Variants in THSD7B observed in about 807,000 individuals in gnomAD.
The protein encoded by THSD7B is thrombospondin type-1 domain-containing protein 7B.
A neutral mutation model predicts 213.6 loss-of-function variants in THSD7B; 138 were observed. That is an observed-to-expected ratio of 0.65 (90% CI 0.56 to 0.74). THSD7B has a LOEUF of 0.74. Ranked by LOEUF, THSD7B falls within the 30% of genes least tolerant of loss-of-function variation. The probability of loss-of-function intolerance (pLI) is 0.00; values close to 1 mark genes in which losing one functional copy is unlikely to be tolerated. For synonymous variants in THSD7B, 742 were observed against 687.0 expected, an observed-to-expected ratio of 1.08 and a Z score of -1.25; for missense variants, 1,931 against 1,991.5, an observed-to-expected ratio of 0.97 and a Z score of 0.58.
At chr2:137,023,948 T>C (rs1686495889) in intron 2 of THSD7B, among the ~76,000 whole-genome samples, 1 of 152,076 alleles carries the variant, frequency 6.6e-6, no homozygotes, top group African/African-American at 2.4e-5. Flanking sequence ...CTTCTTTTAC[T>C]ATCTGAAATA....
At chr2:136,851,949 A>ATATATT (rs1312163166) in intron 1 of THSD7B, among the ~76,000 whole-genome samples, 2 of 151,624 alleles carry the variant, frequency 1.3e-5, no homozygotes, top group East Asian at 3.9e-4. Context: ...ATATATATAT[A>ATATATT]TTTGTAGTAA....
intron 5 of THSD7B, among the ~76,000 whole-genome samples, chr2:137,127,087 A>C (rs538805370): frequency 1.3e-5 from 2 of 152,220 alleles, no homozygotes; most frequent in Non-Finnish European, 2.9e-5. Flanking sequence ...AAAAAGTGTG[A>C]AATAATGCAA....
At chr2:137,460,493 CAT>C (rs1326687293) in intron 15 of THSD7B, among the ~76,000 whole-genome samples, 1 of 152,014 alleles carries the variant, frequency 6.6e-6, no homozygotes, top group Non-Finnish European at 1.5e-5. Flanking sequence ...GCATTTATCT[CAT>C]GGAGCATTTG....
intron 20 of THSD7B, among the ~76,000 whole-genome samples, chr2:137,634,274 A>G (rs1682792981): frequency 6.6e-6 from 1 of 152,118 alleles, no homozygotes; most frequent in South Asian, 2.1e-4. Flanking sequence ...AACTTTGGAA[A>G]TTTAACTTAT....
At chr2:137,040,946 G>A (rs1444897990) in intron 2 of THSD7B, among the ~76,000 whole-genome samples, 1 of 152,160 alleles carries the variant, frequency 6.6e-6, no homozygotes, top group Non-Finnish European at 1.5e-5. Flanking sequence ...CTAATTCTCT[G>A]AAATCACAAG....
chr2:137,276,487 C>T (rs925363641), intron 12 of THSD7B, among the ~76,000 whole-genome samples: 1 of 152,034 alleles, frequency 6.6e-6, no homozygotes, highest in Non-Finnish European at 1.5e-5. Flanking sequence ...TATACATACT[C>T]ATCATATATC....
At chr2:137,462,209 A>G (rs1160147567) in intron 15 of THSD7B, among the ~76,000 whole-genome samples, 2 of 152,148 alleles carry the variant, frequency 1.3e-5, no homozygotes, top group East Asian at 1.9e-4. Context: ...TCCATGCTGT[A>G]TACTCTGTTT....
At chr2:136,848,828 C>T (rs1224514642) in intron 1 of THSD7B, among the ~76,000 whole-genome samples, 1 of 152,104 alleles carries the variant, frequency 6.6e-6, no homozygotes. Context: ...TAATTAATTT[C>T]TCACTCTGTG....
intron 5 of THSD7B, among the ~76,000 whole-genome samples, chr2:137,139,033 T>C (rs1247031949): frequency 2.0e-5 from 3 of 152,202 alleles, no homozygotes; most frequent in Non-Finnish European, 2.9e-5. Context: ...CATTATTGAA[T>C]TTTTTCTGTT....
intron 16 of THSD7B, among the ~76,000 whole-genome samples, 159 bp downstream of exon 16, chr2:137,563,513 T>C (rs1681166654): frequency 6.6e-6 from 1 of 152,196 alleles, no homozygotes; most frequent in Non-Finnish European, 1.5e-5. Context: ...AAGTGCATCC[T>C]TACCTGCCAT....
intron 3 of THSD7B, among the ~76,000 whole-genome samples, chr2:137,085,520 T>C (rs1687821899): frequency 6.6e-6 from 1 of 151,996 alleles, no homozygotes; most frequent in African/African-American, 2.4e-5. Context: ...ACATTAAAAA[T>C]CTAATTGCAA....
At chr2:137,323,495 A>C (rs10496769) in intron 12 of THSD7B, among the ~76,000 whole-genome samples, 1 of 152,190 alleles carries the variant, frequency 6.6e-6, no homozygotes, top group Non-Finnish European at 1.5e-5. Flanking sequence ...TTCCAGTCAA[A>C]AGAATAAATT....
chr2:137,462,629 C>A (rs1424598165), intron 15 of THSD7B, among the ~76,000 whole-genome samples: 2 of 152,024 alleles, frequency 1.3e-5, no homozygotes, highest in African/African-American at 2.4e-5. Flanking sequence ...TGCAAGGCAA[C>A]CTGGAAGTGT....
chr2:137,158,414 C>T (rs1315161950), intron 5 of THSD7B, among the ~76,000 whole-genome samples: 1 of 152,204 alleles, frequency 6.6e-6, no homozygotes, highest in Non-Finnish European at 1.5e-5. Context: ...TACCTGTTCT[C>T]TCTTCCTTTC....
chr2:137,669,932 A>G (rs1683527797), intron 27 of THSD7B, among the ~76,000 whole-genome samples: 1 of 152,142 alleles, frequency 6.6e-6, no homozygotes, highest in Non-Finnish European at 1.5e-5. Flanking sequence ...AGGCTCTGGG[A>G]ATTAATTAGG....
chr2:137,457,050 G>A (rs984785292), intron 15 of THSD7B, among the ~76,000 whole-genome samples: 1 of 152,080 alleles, frequency 6.6e-6, no homozygotes, highest in African/African-American at 2.4e-5. Flanking sequence ...TTCTTGCCCT[G>A]TCGCCATTTC....
At chr2:137,639,343 G>A (rs1366361812) in intron 20 of THSD7B, among the ~76,000 whole-genome samples, 1 of 152,190 alleles carries the variant, frequency 6.6e-6, no homozygotes, top group African/African-American at 2.4e-5. Context: ...CAAGAATTGA[G>A]GTTTGGGAAC....
chr2:137,278,171 C>G (rs968965720), intron 12 of THSD7B, among the ~76,000 whole-genome samples: 1 of 151,886 alleles, frequency 6.6e-6, no homozygotes, highest in African/African-American at 2.4e-5. Flanking sequence ...AGAAAAGTAT[C>G]AAAGAAATAA....
chr2:137,380,116 A>G (rs1685740751), intron 12 of THSD7B, among the ~76,000 whole-genome samples: 1 of 152,162 alleles, frequency 6.6e-6, no homozygotes, highest in African/African-American at 2.4e-5. Flanking sequence ...TGTAGAGTCA[A>G]CAAAACACAT....
Sources: allele counts gnomAD v4.1 joint callset (sites outside exome capture counted in the v4.1 genomes callset), GRCh38; gene constraint gnomAD v4.1.1; transcripts MANE v1.5; gene names NCBI Gene and HGNC (gene_info 2026-07-23, HGNC 2026-07-21).